Variants in FAF1 observed in about 807,000 individuals in gnomAD.
FAF1 encodes FAS-associated factor 1.
In FAF1, 25 loss-of-function variants were observed where a neutral mutation model predicts 92.5. That is an observed-to-expected ratio of 0.27 (90% CI 0.20 to 0.38). The LOEUF (loss-of-function observed/expected upper bound fraction) is 0.38. Ranked by LOEUF, FAF1 falls within the 10% of genes least tolerant of loss-of-function variation. The pLI is 1.00. For missense variants in FAF1, 636 were observed against 793.3 expected (o/e 0.80, Z 2.38); for synonymous variants, 234 against 273.2 (o/e 0.86, Z 1.42).
intron 1 of FAF1, among the ~76,000 whole-genome samples, chr1:50,885,162 T>C (rs962654481): frequency 2.6e-5 from 4 of 152,200 alleles, no homozygotes; most frequent in African/African-American, 9.7e-5. Flanking sequence ...TTCTGTCTTT[T>C]CTTAGTCTGG....
chr1:50,750,902 C>A (rs1338319859), intron 4 of FAF1, among the ~76,000 whole-genome samples: 1 of 151,508 alleles, frequency 6.6e-6, no homozygotes, highest in Admixed American at 6.6e-5. Context: ...GGATTATAGG[C>A]ATGAGCCACC....
intron 1 of FAF1, among the ~76,000 whole-genome samples, chr1:50,868,798 T>G (rs1644503358): frequency 6.6e-6 from 1 of 152,192 alleles, no homozygotes; most frequent in Non-Finnish European, 1.5e-5. Context: ...CCTTGGAAAT[T>G]TATGAAGACT....
chr1:50,868,421 A>T (rs1241202461), intron 1 of FAF1, among the ~76,000 whole-genome samples: 1 of 151,780 alleles, frequency 6.6e-6, no homozygotes, highest in Non-Finnish European at 1.5e-5. Flanking sequence ...TCATTTCTGG[A>T]TTCATCTTTA....
At chr1:50,507,518 T>G (rs1422023899) in intron 15 of FAF1, among the ~76,000 whole-genome samples, 1 of 152,078 alleles carries the variant, frequency 6.6e-6, no homozygotes, top group Non-Finnish European at 1.5e-5. Context: ...AGTCGGAGGA[T>G]TCCTTGAGGC....
At chr1:50,720,978 G>A (rs76512273) in intron 6 of FAF1, among the ~76,000 whole-genome samples, 51 of 152,032 alleles carry the variant, frequency 3.4e-4, no homozygotes, top group African/African-American at 1.1e-3. Flanking sequence ...ATCATTCTTC[G>A]AGTCTCATAT....
intron 18 of FAF1, among the ~76,000 whole-genome samples, chr1:50,443,798 C>T (rs546959280): frequency 1.4e-4 from 22 of 152,252 alleles, no homozygotes; most frequent in Non-Finnish European, 2.4e-4. Context: ...TGGGTAGGGG[C>T]CCTGATCTTT....
At chr1:50,728,553 G>A (rs1287373719) in intron 6 of FAF1, among the ~76,000 whole-genome samples, 1 of 152,090 alleles carries the variant, frequency 6.6e-6, no homozygotes, top group Admixed American at 6.6e-5. Flanking sequence ...CACTTTGGGA[G>A]GCTGAGGCAA....
chr1:50,601,405 G>T (rs535865076), intron 8 of FAF1, among the ~76,000 whole-genome samples: 33 of 152,284 alleles, frequency 2.2e-4, no homozygotes, highest in African/African-American at 7.2e-4. Context: ...TGGGCGTGGT[G>T]GCTCGGTGTG....
At chr1:50,907,201 G>C (rs558086676) in intron 1 of FAF1, among the ~76,000 whole-genome samples, 29 of 152,296 alleles carry the variant, frequency 1.9e-4, no homozygotes, top group African/African-American at 6.7e-4. Context: ...TGCGTAAGTT[G>C]AACCAGCCTT....
chr1:50,692,911 A>G (rs529042673), intron 7 of FAF1, among the ~76,000 whole-genome samples: 5 of 152,204 alleles, frequency 3.3e-5, no homozygotes, highest in Admixed American at 2.6e-4. Flanking sequence ...TTTCAATTAG[A>G]TTATTTGTCT....
chr1:50,679,833 T>G (rs969683644), intron 7 of FAF1, among the ~76,000 whole-genome samples: 2 of 152,208 alleles, frequency 1.3e-5, no homozygotes, highest in Non-Finnish European at 2.9e-5. Context: ...GTACATGCAT[T>G]TACTTTAGTA....
intron 1 of FAF1, among the ~76,000 whole-genome samples, chr1:50,948,248 A>AT (rs1393744214): frequency 6.6e-6 from 1 of 152,232 alleles, no homozygotes; most frequent in Non-Finnish European, 1.5e-5. Flanking sequence ...ATACTGAAAT[A>AT]TACTCTGTTA....
intron 8 of FAF1, among the ~76,000 whole-genome samples, chr1:50,651,531 G>A (rs1654865631): frequency 6.6e-6 from 1 of 152,102 alleles, no homozygotes; most frequent in Non-Finnish European, 1.5e-5. Flanking sequence ...AGCAATAAAA[G>A]TACAAAATGA....
At chr1:50,622,121 C>T (rs555551612) in intron 8 of FAF1, among the ~76,000 whole-genome samples, 1 of 149,056 alleles carries the variant, frequency 6.7e-6, no homozygotes, top group Non-Finnish European at 1.5e-5. Context: ...GCCGAGATTA[C>T]ACCACTGCAC....
intron 15 of FAF1, among the ~76,000 whole-genome samples, chr1:50,497,955 A>G (rs1271925451): frequency 6.6e-6 from 1 of 152,168 alleles, no homozygotes; most frequent in Non-Finnish European, 1.5e-5. Flanking sequence ...CCTAATAATC[A>G]AAACAATCTT....
chr1:50,610,104 TA>T (rs1417584027), intron 8 of FAF1, among the ~76,000 whole-genome samples: 2 of 152,196 alleles, frequency 1.3e-5, no homozygotes, highest in Non-Finnish European at 2.9e-5. Context: ...GAGAACAGAT[TA>T]AAAAACATTG....
chr1:50,639,527 T>C (rs578029825), intron 8 of FAF1, among the ~76,000 whole-genome samples: 4 of 152,362 alleles, frequency 2.6e-5, no homozygotes, highest in African/African-American at 9.6e-5. Context: ...TGGTTGATGT[T>C]CCAATGTTGC....
intron 13 of FAF1, among the ~76,000 whole-genome samples, chr1:50,543,630 CT>C (rs1408026643): frequency 6.6e-6 from 1 of 152,084 alleles, no homozygotes; most frequent in Non-Finnish European, 1.5e-5. Flanking sequence ...ATATTTAACA[CT>C]TTTATCATCA....
intron 8 of FAF1, among the ~76,000 whole-genome samples, 161 bp downstream of exon 8, chr1:50,655,281 C>T (rs1360132873): frequency 6.6e-6 from 1 of 152,202 alleles, no homozygotes; most frequent in East Asian, 1.9e-4. Context: ...CTCAGCCTCC[C>T]AAAGTGCTGG....
Sources: allele counts gnomAD v4.1 joint callset (sites outside exome capture counted in the v4.1 genomes callset), GRCh38; gene constraint gnomAD v4.1.1; transcripts MANE v1.5; gene names NCBI Gene and HGNC (gene_info 2026-07-23, HGNC 2026-07-21).